CLCN7: variants seen among roughly 807,000 people sequenced by gnomAD.
The protein encoded by CLCN7 is Cl-/H+ antiporter 7.
Under a neutral mutation model 102.1 loss-of-function variants are expected in CLCN7, and 60 were observed. The ratio of observed to expected loss-of-function variants is 0.59; its 90% confidence interval spans 0.48 to 0.73. The LOEUF (loss-of-function observed/expected upper bound fraction) is 0.73, where lower values mean the gene tolerates loss of function less well. Among genes scored for constraint, CLCN7 ranks in the 30% least tolerant of loss-of-function variants. The pLI is 0.00. For missense variants in CLCN7, 962 were observed against 1,125.7 expected (o/e 0.85, Z 2.08); for synonymous variants, 560 against 490.5 (o/e 1.14, Z -1.87).
At chr16:1,447,184 A>T (rs1249087140) in intron 23 of CLCN7, 98 bp from the exon 24 acceptor site, 13 of 1,273,752 alleles carry the variant, frequency 1.0e-5, no homozygotes, top group Admixed American at 4.0e-5. Context: ...CACGGCGTCC[A>T]GGCACGTCCT....
chr16:1,448,256 G>A (rs993389386), intron 21 of CLCN7, 99 bp downstream of exon 21: 42 of 1,510,636 alleles, frequency 2.8e-5, no homozygotes, highest in South Asian at 1.5e-4. Flanking sequence ...GCACCCAAAC[G>A]TGCAGCTTCC....
rs1236624796 is a variant in CLCN7, at chr16:1,450,718, AC to A, written c.1448-53del. 14 of 1,457,930 alleles carry A rather than the reference AC, an allele frequency of 9.6e-6. 1 individual carries two copies. Among genetic ancestry groups the A allele is most frequent in the Admixed American group, 2.1e-5 (1 of 48,328 alleles). 90.3% of individuals were successfully genotyped at this position (1,457,930 alleles called of 1,614,324 possible). A position where few individuals can be genotyped will look rare whatever the true frequency, so the allele number is the denominator to read the frequency against. ...CCTCCACGACTCCCGCCTCCGCAGG[AC>A]TGCCCTGCCCCGCTGCCCAGTCTCG... On this transcript the variant is annotated intron_variant, in intron 16 of 24. Coordinates refer to ENST00000382745, the MANE Select transcript of CLCN7 (RefSeq NM_001287.6).
chr16:1,473,370 CTTTTTTT>C (rs779736867), intron 1 of CLCN7, among the ~76,000 whole-genome samples: 5 of 76,702 alleles, frequency 6.5e-5, no homozygotes, highest in South Asian at 1.0e-3. Context: ...CCTTCCTAAA[CTTTTTTT>C]TTTTTTTTTT....
At position 1,455,021 on chromosome 16, in the gene CLCN7, C is replaced by T. The variant is rs2038811868; in HGVS notation, c.1098+113G>A. The T allele has an allele frequency of 2.2e-5, 17 of 760,284 alleles. No individual in the cohort carries two copies. In the South Asian group the frequency reaches 2.5e-4, roughly 11 times the overall value. 47.1% of individuals were successfully genotyped at this position (760,284 alleles called of 1,614,324 possible). ...GAGCTTACACAAGAGCTCTCAGCTC[C>T]ACAGCTATCAACCAGAGTTTTCTAA... is the stretch of plus-strand genomic sequence containing the variant. On this transcript the variant is annotated intron_variant, in intron 12 of 24. Coordinates refer to ENST00000382745, the MANE Select transcript of CLCN7 (RefSeq NM_001287.6).
chr16:1,452,521 T>TA (rs2038767866), intron 15 of CLCN7: 3 of 571,406 alleles, frequency 5.3e-6, no homozygotes, highest in Non-Finnish European at 9.4e-6. Context: ...GGAAGAGGAC[T>TA]GGGGGGAGCC....
chr16:1,459,220 C>A lies in CLCN7; in HGVS notation c.595-33G>T, dbSNP rs202076159. The A allele has an allele frequency of 3.2e-6, 5 of 1,570,110 alleles. No individual in the cohort carries two copies. In the African/African-American group the frequency reaches 6.9e-5, roughly 22 times the overall value. On this transcript the variant is annotated intron_variant, in intron 6 of 24. Coordinates refer to ENST00000382745, the MANE Select transcript of CLCN7 (RefSeq NM_001287.6). ...AGGGGAAGCACGGCTGAGTGGGTCA[C>A]GGCCAGGCTGAGACAGATGCAGCCC...
chr16:1,463,666 T>G (rs936919135), intron 2 of CLCN7, among the ~76,000 whole-genome samples: 2 of 151,960 alleles, frequency 1.3e-5, no homozygotes, highest in African/African-American at 4.8e-5. Flanking sequence ...TTGTTTTTTG[T>G]AGAGACAGGG....
intron 12 of CLCN7, among the ~76,000 whole-genome samples, chr16:1,454,760 C>T (rs751488031): frequency 3.3e-5 from 5 of 152,214 alleles, no homozygotes; most frequent in Admixed American, 1.3e-4. Context: ...CAGTTTCCTG[C>T]GCACAGAGCC....
At chr16:1,461,717 C>G in intron 2 of CLCN7, 43 bp from the exon 3 acceptor site, 2 of 1,543,418 alleles carry the variant, frequency 1.3e-6, no homozygotes, top group Non-Finnish European at 1.8e-6. Flanking sequence ...GTTGACAAGG[C>G]CACAAGGAGA....
intron 10 of CLCN7, 92 bp from the exon 11 acceptor site, chr16:1,455,887 C>T: frequency 2.8e-6 from 4 of 1,426,596 alleles, no homozygotes; most frequent in Non-Finnish European, 2.9e-6. Flanking sequence ...GGAACCCAGA[C>T]CACGTCAGAA....
In CLCN7 at chr16:1,459,196, G is replaced by C; in HGVS notation, c.595-9C>G. 1 of 1,612,404 alleles carries C rather than the reference G, an allele frequency of 6.2e-7. No individual in the cohort carries two copies. The highest frequency in any genetic ancestry group is 1.1e-5 in the South Asian group (1 of 90,970). ...CTGCCAGCAGCCACCGGCTGAAAGA[G>C]GGGAAGCACGGCTGAGTGGGTCACG... is the stretch of plus-strand genomic sequence containing the variant. On this transcript the variant is annotated splice_polypyrimidine_tract_variant and intron_variant, in intron 6 of 24. Coordinates refer to ENST00000382745, the MANE Select transcript of CLCN7 (RefSeq NM_001287.6).
intron 14 of CLCN7, 35 bp downstream of exon 14, chr16:1,453,799 C>A: frequency 6.2e-7 from 1 of 1,608,068 alleles, no homozygotes; most frequent in Non-Finnish European, 8.5e-7. Context: ...GTGGCCACGC[C>A]TGCCAACGCG....
At chr16:1,455,834 C>T in intron 10 of CLCN7, 39 bp from the exon 11 acceptor site, 1 of 1,604,314 alleles carries the variant, frequency 6.2e-7, no homozygotes, top group Non-Finnish European at 8.5e-7. Context: ...CAGCTGGACA[C>T]AGGGCACCAT....
At chr16:1,465,000 A>G (rs1027249027) in intron 2 of CLCN7, among the ~76,000 whole-genome samples, 1 of 151,696 alleles carries the variant, frequency 6.6e-6, no homozygotes, top group Non-Finnish European at 1.5e-5. Flanking sequence ...CCCTGTCCCA[A>G]AGCCAGGTCC....
chr16:1,452,338 G>A lies in CLCN7; in HGVS notation c.1353+417C>T, dbSNP rs74465057. 2,545 of 264,950 alleles carry A rather than the reference G, an allele frequency of 9.6e-3. 67 individuals are homozygous for A. Among genetic ancestry groups the A allele is most frequent in the African/African-American group, 0.051 (2,335 of 45,628 alleles). The allele number at this position is 264,950 out of a possible 1,614,324, so 16.4% of individuals were successfully genotyped here. ...GACCTCACGTGTGGTTCCTCTGAGC[G>A]TAGTGCTTTCCAGGGCAACCGTGTC... On this transcript the variant is annotated intron_variant, in intron 15 of 24. Transcript: ENST00000382745.
rs754657236 is a variant in CLCN7, at chr16:1,450,619, A to G, written c.1495T>C (p.Phe499Leu). Residue 499 changes from phenylalanine (F) to leucine (L), a missense_variant, in exon 17 of 25, where the codon TTC (phenylalanine) becomes CTC (leucine). Transcript: ENST00000382745. ...TLGLFTLVYF[F>L]LACWTYGLTV... The stretch of plus-strand genomic sequence containing the variant: ...AGCCCGTAGGTCCAGCAGGCCAGGA[A>G]GAAGTAGACCAGCGTGAACAGGCCG... 9.3e-6 allele frequency: 15 copies of G among 1,612,742 alleles called. No individual in the cohort carries two copies. Among genetic ancestry groups the G allele is most frequent in the Non-Finnish European group, 1.3e-5 (15 of 1,179,790 alleles).
Position 1,474,861 on chromosome 16 carries a change from G to C in CLCN7, c.114C>G (p.Asn38Lys). ...GGCGCGCAGCCCCAGGCCCAGCCCCGTTCAGCAGCGGCGTCCCCCCGCCGG... is the reference window on the plus strand; with the variant it reads ...GGCGCGCAGCCCCAGGCCCAGCCCCCTTCAGCAGCGGCGTCCCCCCGCCGG... ...ARPGGGTPLL[N>K]GAGPGAARQS... The change falls in exon 1 of 25, where the codon AAC (asparagine) becomes AAG (lysine). Residue 38 changes from asparagine to lysine, a missense_variant. Coordinates refer to ENST00000382745, the MANE Select transcript of CLCN7 (RefSeq NM_001287.6). The C allele has an allele frequency of 6.9e-7, 1 of 1,441,406 alleles. No individual in the cohort carries two copies. The allele number at this position is 1,441,406 out of a possible 1,614,324, so 89.3% of individuals were successfully genotyped here. A position where few individuals can be genotyped will look rare whatever the true frequency, so the allele number is the denominator to read the frequency against.
At chr16:1,458,963 C>T in intron 7 of CLCN7, 144 bp downstream of exon 7, 1 of 643,628 alleles carries the variant, frequency 1.6e-6, no homozygotes, top group Non-Finnish European at 2.7e-6. Context: ...CCCCTTCACA[C>T]CCAGCCAGCC....
chr16:1,470,405 T>C (rs1381443284), intron 1 of CLCN7, among the ~76,000 whole-genome samples: 2 of 152,196 alleles, frequency 1.3e-5, no homozygotes, highest in African/African-American at 4.8e-5. Context: ...CGTCCTAACA[T>C]TCAGCAGGCC....
Sources: gnomAD v4.1 joint callset for allele counts (sites outside exome capture counted in the v4.1 genomes callset) on GRCh38, gnomAD v4.1.1 for gene constraint, MANE v1.5 for transcripts, NCBI Gene and HGNC (gene_info 2026-07-23, HGNC 2026-07-21) for gene names.